The following PDSS2 variants were observed in gnomAD, a reference collection of about 807,000 sequenced individuals.
PDSS2 encodes the protein all trans-polyprenyl-diphosphate synthase PDSS2.
In PDSS2, 31 loss-of-function variants were observed where a neutral mutation model predicts 44.5. The observed-to-expected ratio is 0.70, with a 90% CI of 0.52 to 0.94. The LOEUF is 0.94. PDSS2 is among the 40% of genes least tolerant of loss of function. The probability of loss-of-function intolerance (pLI) is 0.00; values close to 1 mark genes in which losing one functional copy is unlikely to be tolerated. For synonymous variants in PDSS2, 157 were observed against 180.3 expected (o/e 0.87, Z 1.03); for missense variants, 452 against 482.2 (o/e 0.94, Z 0.59).
intron 3 of PDSS2, among the ~76,000 whole-genome samples, chr6:107,267,947 T>TA (rs1202721715): frequency 2.0e-5 from 3 of 152,088 alleles, no homozygotes; most frequent in African/African-American, 7.2e-5. Context: ...CTTTAGCTTT[T>TA]AAAAAAATAT....
chr6:107,203,245 A>AT (rs1403748367), intron 6 of PDSS2, among the ~76,000 whole-genome samples: 2 of 151,960 alleles, frequency 1.3e-5, no homozygotes, highest in Admixed American at 1.3e-4. Context: ...TAATGGCTTA[A>AT]TTTTTTCTGT....
At chr6:107,238,598 A>C (rs1439295483) in intron 4 of PDSS2, among the ~76,000 whole-genome samples, 1 of 152,178 alleles carries the variant, frequency 6.6e-6, no homozygotes, top group Non-Finnish European at 1.5e-5. Flanking sequence ...AGACTGACTT[A>C]GTGGTGAGGG....
At chr6:107,214,174 G>A (rs183479451) in intron 4 of PDSS2, among the ~76,000 whole-genome samples, 1 of 151,642 alleles carries the variant, frequency 6.6e-6, no homozygotes, top group Admixed American at 6.6e-5. Context: ...CGCGATCTCG[G>A]CTCACTGCAA....
chr6:107,417,004 G>A (rs890489633), intron 1 of PDSS2, among the ~76,000 whole-genome samples: 1 of 152,102 alleles, frequency 6.6e-6, no homozygotes, highest in East Asian at 1.9e-4. Context: ...GGAGGCGGGT[G>A]GATTGCTTGA....
chr6:107,418,360 C>T (rs1004690944), intron 1 of PDSS2, among the ~76,000 whole-genome samples: 6 of 152,184 alleles, frequency 3.9e-5, no homozygotes, highest in African/African-American at 7.2e-5. Flanking sequence ...AGGCAAGGAA[C>T]AGATCCTCTC....
chr6:107,170,376 A>C (rs1554248248), intron 7 of PDSS2, among the ~76,000 whole-genome samples: 1 of 152,302 alleles, frequency 6.6e-6, no homozygotes, highest in East Asian at 1.9e-4. Flanking sequence ...GCCATCTGTC[A>C]CAGCTTCGCT....
At chr6:107,447,840 C>T (rs891879332) in intron 1 of PDSS2, among the ~76,000 whole-genome samples, 2 of 152,252 alleles carry the variant, frequency 1.3e-5, no homozygotes, top group Non-Finnish European at 2.9e-5. Context: ...TCCATGAGGG[C>T]TCCACCTCTG....
At chr6:107,380,083 G>T (rs1779409977) in intron 1 of PDSS2, among the ~76,000 whole-genome samples, 1 of 151,994 alleles carries the variant, frequency 6.6e-6, no homozygotes, top group Non-Finnish European at 1.5e-5. Flanking sequence ...CTAGGAGTTG[G>T]CCTGTGTTTA....
intron 1 of PDSS2, among the ~76,000 whole-genome samples, chr6:107,339,241 C>T (rs1340245696): frequency 1.3e-5 from 2 of 152,164 alleles, no homozygotes; most frequent in Non-Finnish European, 2.9e-5. Context: ...TCTATATGGC[C>T]TCACTTTACT....
intron 3 of PDSS2, among the ~76,000 whole-genome samples, chr6:107,254,035 C>CTTTTTTTTT (rs72372732): frequency 7.6e-6 from 1 of 132,448 alleles, no homozygotes; most frequent in Non-Finnish European, 1.6e-5. Context: ...TTCTTTCTTT[C>CTTTTTTTTT]TTTTTTTTTT....
At chr6:107,453,896 C>T (rs1456528517) in intron 1 of PDSS2, among the ~76,000 whole-genome samples, 1 of 152,138 alleles carries the variant, frequency 6.6e-6, no homozygotes, top group African/African-American at 2.4e-5. Flanking sequence ...TCAATGGAGT[C>T]CCAATTTCTC....
chr6:107,228,043 C>T (rs1007766329), intron 4 of PDSS2, among the ~76,000 whole-genome samples: 3 of 152,200 alleles, frequency 2.0e-5, no homozygotes, highest in Non-Finnish European at 4.4e-5. Flanking sequence ...CTGTTAAACA[C>T]TTTACATGCC....
intron 1 of PDSS2, among the ~76,000 whole-genome samples, chr6:107,377,693 A>G (rs894078131): frequency 2.0e-5 from 3 of 152,176 alleles, no homozygotes; most frequent in Non-Finnish European, 4.4e-5. Context: ...ACACCATGGA[A>G]TACTATGCAG....
chr6:107,407,061 A>G (rs1319784399), intron 1 of PDSS2, among the ~76,000 whole-genome samples: 1 of 152,270 alleles, frequency 6.6e-6, no homozygotes. Flanking sequence ...GTCCATCAAG[A>G]GATGAACAGA....
intron 7 of PDSS2, among the ~76,000 whole-genome samples, chr6:107,157,057 A>G (rs1029332492): frequency 7.9e-5 from 12 of 152,188 alleles, no homozygotes; most frequent in Non-Finnish European, 5.9e-5. Context: ...AATAAAATGC[A>G]AAGACAATCT....
intron 2 of PDSS2, among the ~76,000 whole-genome samples, chr6:107,279,102 C>T (rs968423968): frequency 2.0e-5 from 3 of 152,040 alleles, no homozygotes; most frequent in Admixed American, 6.6e-5. Flanking sequence ...TGTCTGTAAT[C>T]CCAGCTATTT....
At chr6:107,350,266 T>G (rs753099424) in intron 1 of PDSS2, among the ~76,000 whole-genome samples, 4 of 152,218 alleles carry the variant, frequency 2.6e-5, no homozygotes, top group Admixed American at 6.5e-5. Context: ...TAATGTTTTG[T>G]GAAGAGGTAC....
chr6:107,370,951 G>A (rs1159304988), intron 1 of PDSS2, among the ~76,000 whole-genome samples: 2 of 152,204 alleles, frequency 1.3e-5, no homozygotes, highest in Non-Finnish European at 2.9e-5. Context: ...TTGGGAGGCT[G>A]AGGCGGGCAG....
At chr6:107,437,610 A>G (rs1340389349) in intron 1 of PDSS2, among the ~76,000 whole-genome samples, 1 of 151,790 alleles carries the variant, frequency 6.6e-6, no homozygotes, top group African/African-American at 2.4e-5. Context: ...TCATTTCCAC[A>G]TATACCAAAA....
Sources: gnomAD v4.1 joint callset for allele counts (sites outside exome capture counted in the v4.1 genomes callset) on GRCh38, gnomAD v4.1.1 for gene constraint, MANE v1.5 for transcripts, NCBI Gene and HGNC (gene_info 2026-07-23, HGNC 2026-07-21) for gene names.